Variants in UQCRB observed in about 807,000 individuals in gnomAD.
The protein encoded by UQCRB is cytochrome b-c1 complex subunit 7.
UQCRB carries 12 observed loss-of-function variants against 19.8 expected under a neutral mutation model. That is an observed-to-expected ratio of 0.61 (90% CI 0.39 to 0.98). The LOEUF is 0.98. Among genes scored for constraint, UQCRB ranks in the 50% least tolerant of loss-of-function variants. UQCRB has a pLI of 0.00. For missense variants in UQCRB, 142 were observed against 131.8 expected, an observed-to-expected ratio of 1.08 and a Z score of -0.38; for synonymous variants, 39 against 42.9, an observed-to-expected ratio of 0.91 and a Z score of 0.35.
chr8:96,232,027 C>A, intron 2 of UQCRB, 87 bp from the exon 3 acceptor site: 1 of 1,317,468 alleles, frequency 7.6e-7, no homozygotes, highest in Non-Finnish European at 1.1e-6. Flanking sequence ...TGACTTATAA[C>A]TTACAACTTT....
At position 96,229,535 on chromosome 8, in the gene UQCRB, G is replaced by T. The variant is rs1213126958; in HGVS notation, c.*1520C>A. 2.2e-6 allele frequency: 1 copy of T among 453,986 alleles called. No homozygotes were observed. Among genetic ancestry groups the T allele is most frequent in the Non-Finnish European group, 4.4e-6 (1 of 226,760 alleles). 28.1% of individuals were successfully genotyped at this position (453,986 alleles called of 1,614,324 possible). A position where few individuals can be genotyped will look rare whatever the true frequency, so the allele number is the denominator to read the frequency against. On this transcript the variant is annotated 3_prime_UTR_variant, in exon 4 of 4. Coordinates refer to ENST00000287022, the MANE Select transcript of UQCRB (RefSeq NM_006294.5). ...TGATCTTGAAATCACTATTAAAAGA[G>T]CCTTTGCAGAGATCTACTCAGGAAA... is the stretch of plus-strand genomic sequence containing the variant.
In UQCRB at chr8:96,224,512, G is replaced by C. The variant is rs1210211821; in HGVS notation, c.*6543C>G. Reference sequence around the variant, plus strand: ...GCTGAATCCAGAAGGGACAAGAGTAGATTTAGAATATGCAGCACAGCCAAC... The same window carrying C: ...GCTGAATCCAGAAGGGACAAGAGTACATTTAGAATATGCAGCACAGCCAAC... On this transcript the variant is annotated 3_prime_UTR_variant, in exon 4 of 4. Coordinates refer to ENST00000287022, the MANE Select transcript of UQCRB (RefSeq NM_006294.5). 6.6e-6 allele frequency among the ~76,000 whole-genome samples: 1 copy of C among 152,198 alleles called. No individual in the cohort carries two copies. Among genetic ancestry groups the C allele is most frequent in the Non-Finnish European group, 1.5e-5 (1 of 68,040 alleles).
At position 96,227,543 on chromosome 8, in the gene UQCRB, C is replaced by T. The variant is rs1809553589; in HGVS notation, c.*3512G>A. 1 of 453,996 alleles carries T rather than the reference C, an allele frequency of 2.2e-6. No homozygotes were observed. Among genetic ancestry groups the T allele is most frequent in the Admixed American group, 2.3e-5 (1 of 42,562 alleles). The allele number at this position is 453,996 out of a possible 1,614,324, so 28.1% of individuals were successfully genotyped here. On this transcript the variant is annotated 3_prime_UTR_variant, in exon 4 of 4. Transcript: ENST00000287022. ...TCCCTCCTAAAATCCATGCTTCCTC[C>T]CATACACCATAAACCCATCTGCTCT...
rs1252910265 is a variant in UQCRB at position 96,230,040 on chromosome 8, G to A, written c.*1015C>T. Reference sequence around the variant, plus strand: ...CACACTCTCACCTCTACCAAAGAAAGCATTTCAGAATTTAGGAGTGGAAAT... The same window carrying A: ...CACACTCTCACCTCTACCAAAGAAAACATTTCAGAATTTAGGAGTGGAAAT... On this transcript the variant is annotated 3_prime_UTR_variant, in exon 4 of 4. Transcript: ENST00000287022. 2.2e-6 allele frequency: 1 copy of A among 454,028 alleles called. No homozygotes were observed. Among genetic ancestry groups the A allele is most frequent in the Admixed American group, 2.3e-5 (1 of 42,572 alleles). The allele number at this position is 454,028 out of a possible 1,614,324, so 28.1% of individuals were successfully genotyped here.
Position 96,229,424 on chromosome 8 carries a change from A to T in UQCRB, c.*1631T>A. 1 of 454,120 alleles carries T rather than the reference A, an allele frequency of 2.2e-6. No homozygotes were observed. Among genetic ancestry groups the T allele is most frequent in the Non-Finnish European group, 4.4e-6 (1 of 226,786 alleles). 28.1% of individuals were successfully genotyped at this position (454,120 alleles called of 1,614,324 possible). Reference sequence around the variant, plus strand: ...CACCCGGCTCCCTACACACCTTGACAGTGCTCTTTGAGATGCCTCAGTTGT... The same window carrying T: ...CACCCGGCTCCCTACACACCTTGACTGTGCTCTTTGAGATGCCTCAGTTGT... On this transcript the variant is annotated 3_prime_UTR_variant, in exon 4 of 4. Transcript: ENST00000287022.
rs947130608 is a variant in UQCRB at position 96,227,182 on chromosome 8, T to A, written c.*3873A>T. On this transcript the variant is annotated 3_prime_UTR_variant, in exon 4 of 4. Transcript: ENST00000287022. ...GAAATATGGTCATAACTGATTGAAG[T>A]AATAAAATCCTGAAACTAAATAACA... The A allele has an allele frequency of 4.4e-6, 2 of 452,704 alleles. No individual in the cohort carries two copies. Among genetic ancestry groups the A allele is most frequent in the African/African-American group, 4.0e-5 (2 of 49,918 alleles). The allele number at this position is 452,704 out of a possible 1,614,324, so 28.0% of individuals were successfully genotyped here.
chr8:96,227,585 C>G lies in UQCRB; in HGVS notation c.*3470G>C, dbSNP rs574626220. 2.2e-6 allele frequency: 1 copy of G among 454,112 alleles called. No homozygotes were observed. The highest frequency in any genetic ancestry group is 1.6e-5 in the South Asian group (1 of 64,474). The allele number at this position is 454,112 out of a possible 1,614,324, so 28.1% of individuals were successfully genotyped here. A position where few individuals can be genotyped will look rare whatever the true frequency, so the allele number is the denominator to read the frequency against. On this transcript the variant is annotated 3_prime_UTR_variant, in exon 4 of 4. Coordinates refer to ENST00000287022, the MANE Select transcript of UQCRB (RefSeq NM_006294.5). ...ATCTGCTCTTCATCCATCAAGCTGT[C>G]AAGGATTTGGTTATGACAATCTTCA...
At chr8:96,234,450 T>C (rs1316193322) in intron 1 of UQCRB, 1 of 1,275,194 alleles carries the variant, frequency 7.8e-7, no homozygotes, top group Admixed American at 2.3e-5. Flanking sequence ...AGGTCAGAGT[T>C]AGCTAATGGG....
chr8:96,233,393 T>G (rs1809722680), intron 1 of UQCRB, 166 bp from the exon 2 acceptor site: 1 of 619,944 alleles, frequency 1.6e-6, no homozygotes, highest in South Asian at 2.1e-5. Flanking sequence ...TCAAAAGAAT[T>G]AGATTTAAAA....
At position 96,223,425 on chromosome 8, in the gene UQCRB, C is replaced by T. The variant is rs1334986888; in HGVS notation, c.*7630G>A. 3.9e-5 allele frequency among the ~76,000 whole-genome samples: 6 copies of T among 152,192 alleles called. No homozygotes were observed. The highest frequency in any genetic ancestry group is 1.2e-4 in the African/African-American group (5 of 41,438). On this transcript the variant is annotated 3_prime_UTR_variant, in exon 4 of 4. Coordinates refer to ENST00000287022, the MANE Select transcript of UQCRB (RefSeq NM_006294.5). ...CCTCTATGAAAAGAGGATAATTGTG[C>T]TCACCTTGGAAAAATTTTCAAGGAA...
Position 96,230,123 on chromosome 8 carries a change from T to A in UQCRB, c.*932A>T. The A allele has an allele frequency of 2.2e-6, 1 of 454,112 alleles. No homozygotes were observed. The highest frequency in any genetic ancestry group is 4.4e-6 in the Non-Finnish European group (1 of 226,788). 28.1% of individuals were successfully genotyped at this position (454,112 alleles called of 1,614,324 possible). A position where few individuals can be genotyped will look rare whatever the true frequency, so the allele number is the denominator to read the frequency against. On this transcript the variant is annotated 3_prime_UTR_variant, in exon 4 of 4. Coordinates refer to ENST00000287022, the MANE Select transcript of UQCRB (RefSeq NM_006294.5). ...TTGAGACAGTCAATGTCGCTCAGGC[T>A]GAAGTGCAGTGGTGTGATCTAGGCT...
intron 1 of UQCRB, chr8:96,234,624 A>C: frequency 2.9e-6 from 2 of 678,216 alleles, no homozygotes; most frequent in Non-Finnish European, 4.6e-6. Flanking sequence ...GTTTCTGGCA[A>C]CCTGATGTTT....
chr8:96,231,220 A>G, intron 3 of UQCRB, 88 bp from the exon 4 acceptor site: 2 of 1,612,856 alleles, frequency 1.2e-6, no homozygotes, highest in Non-Finnish European at 8.5e-7. Flanking sequence ...AGAAAAAAGC[A>G]ATTACTTTTG....
At chr8:96,232,181 G>C (rs1343988732) in intron 2 of UQCRB, 1 of 506,550 alleles carries the variant, frequency 2.0e-6, no homozygotes, top group Non-Finnish European at 3.5e-6. Flanking sequence ...TCTTGAACTA[G>C]ACTATGGAAA....
intron 1 of UQCRB, 167 bp from the exon 2 acceptor site, chr8:96,233,394 A>C: frequency 4.9e-6 from 3 of 616,462 alleles, no homozygotes; most frequent in South Asian, 4.2e-5. Context: ...CAAAAGAATT[A>C]GATTTAAAAG....
chr8:96,233,356 T>C, intron 1 of UQCRB, 129 bp from the exon 2 acceptor site: 2 of 798,490 alleles, frequency 2.5e-6, no homozygotes, highest in South Asian at 1.5e-5. Flanking sequence ...CTTTTAAAAG[T>C]ATATAGTATA....
Position 96,228,954 on chromosome 8 carries a change from G to C in UQCRB, c.*2101C>G, listed in dbSNP as rs1347086459. On this transcript the variant is annotated 3_prime_UTR_variant, in exon 4 of 4. Transcript: ENST00000287022. ...CAGGACGGCTTTTGATAATAGAAAG[G>C]CCCTCTCTTTCAAATGAAAGGACTT... The C allele has an allele frequency of 2.2e-6, 1 of 454,004 alleles. No homozygotes were observed. Among genetic ancestry groups the C allele is most frequent in the African/African-American group, 2.0e-5 (1 of 50,086 alleles). 28.1% of individuals were successfully genotyped at this position (454,004 alleles called of 1,614,324 possible). A position where few individuals can be genotyped will look rare whatever the true frequency, so the allele number is the denominator to read the frequency against.
In UQCRB at chr8:96,228,848, G is replaced by C; in HGVS notation, c.*2207C>G. ...TCGGTCTACAGGACAATGTAGACCA[G>C]ACTACAGGACAATGTAGATTTGGTC... On this transcript the variant is annotated 3_prime_UTR_variant, in exon 4 of 4. Transcript: ENST00000287022. 1 of 454,078 alleles carries C rather than the reference G, an allele frequency of 2.2e-6. No individual in the cohort carries two copies. The highest frequency in any genetic ancestry group is 4.4e-6 in the Non-Finnish European group (1 of 226,778). The allele number at this position is 454,078 out of a possible 1,614,324, so 28.1% of individuals were successfully genotyped here. A position where few individuals can be genotyped will look rare whatever the true frequency, so the allele number is the denominator to read the frequency against.
chr8:96,231,814 T>C lies in UQCRB; in HGVS notation c.218A>G (p.His73Arg), dbSNP rs756562701. 1.9e-6 allele frequency: 3 copies of C among 1,614,196 alleles called. No homozygotes were observed. The highest frequency in any genetic ancestry group is 2.5e-6 in the Non-Finnish European group (3 of 1,180,030). Residue 73 changes from histidine (H) to arginine (R), a missense_variant, in exon 3 of 4, where the codon CAT (histidine) becomes CGT (arginine). Transcript: ENST00000287022. Reference protein sequence around the residue: ...IKRALDLNLKHQILPKEQWTK... With the variant: ...IKRALDLNLKRQILPKEQWTK... ...CCACTGCTCTTTAGGCAAGATCTGA[T>C]GCTTCAAGTTCAGGTCCAGTGCCCT... is the stretch of plus-strand genomic sequence containing the variant.
Sources: allele counts gnomAD v4.1 joint callset (sites outside exome capture counted in the v4.1 genomes callset), GRCh38; gene constraint gnomAD v4.1.1; transcripts MANE v1.5; gene names NCBI Gene and HGNC (gene_info 2026-07-23, HGNC 2026-07-21).